EXPH5: variants seen among roughly 807,000 people sequenced by gnomAD.
The protein encoded by EXPH5 is exophilin 5.
EXPH5 carries 42 observed loss-of-function variants against 41.1 expected under a neutral mutation model. That is an observed-to-expected ratio of 1.02 (90% confidence interval 0.80 to 1.32). EXPH5 has a LOEUF of 1.32. Ranked by LOEUF, EXPH5 falls within the 40% of genes most tolerant of loss-of-function variation. The pLI, the probability that EXPH5 is intolerant of heterozygous loss-of-function variation, is 0.00. For synonymous variants in EXPH5, 798 were observed against 833.5 expected (o/e 0.96, Z 0.73); for missense variants, 2,298 against 2,314.5 (o/e 0.99, Z 0.15).
In EXPH5 at chr11:108,593,567, C is replaced by T. The variant is rs1459921072; in HGVS notation, c.-31G>A. ...TTACTGTGTGTGAGTTACACTTAAG[C>T]TCCTTGGCGCCTCCTGTTAGGAAGG... On this transcript the variant is annotated 5_prime_UTR_variant, in exon 1 of 6. Coordinates refer to ENST00000265843, the MANE Select transcript of EXPH5 (RefSeq NM_015065.3). The T allele has an allele frequency of 1.2e-6, 2 of 1,613,836 alleles. No homozygotes were observed. Among genetic ancestry groups the T allele is most frequent in the Non-Finnish European group, 1.7e-6 (2 of 1,179,898 alleles).
At chr11:108,515,858 G>A (rs1394369127) in intron 5 of EXPH5, among the ~76,000 whole-genome samples, 1 of 152,050 alleles carries the variant, frequency 6.6e-6, no homozygotes, top group Non-Finnish European at 1.5e-5. Flanking sequence ...GGATCACGAG[G>A]TCAGGAGATT....
chr11:108,553,075 G>A (rs991261982), intron 1 of EXPH5, among the ~76,000 whole-genome samples: 6 of 152,124 alleles, frequency 3.9e-5, no homozygotes, highest in African/African-American at 1.4e-4. Context: ...GCAGGTGCCT[G>A]TAATCCCAGC....
intron 3 of EXPH5, among the ~76,000 whole-genome samples, chr11:108,530,000 C>T (rs2135989692): frequency 6.6e-6 from 1 of 152,254 alleles, no homozygotes; most frequent in Admixed American, 6.5e-5. Flanking sequence ...GCACAGTTGT[C>T]CATTCAAACT....
chr11:108,532,917 C>G (rs1380979074), intron 3 of EXPH5, among the ~76,000 whole-genome samples: 2 of 152,198 alleles, frequency 1.3e-5, no homozygotes, highest in African/African-American at 4.8e-5. Flanking sequence ...CCCATCTTAG[C>G]ATTGTTCTTG....
At chr11:108,560,471 A>C (rs1037008620) in intron 1 of EXPH5, among the ~76,000 whole-genome samples, 6 of 152,218 alleles carry the variant, frequency 3.9e-5, no homozygotes, top group Non-Finnish European at 8.8e-5. Context: ...AAACCACTCC[A>C]CCTCATCAGA....
In EXPH5 at chr11:108,512,336, A is replaced by G. The variant is rs760837096; in HGVS notation, c.3171T>C (p.Asn1057=). ...TATAGTTCCCCATTGCATCTTCCAC[A>G]TTATTTTTGATTTGGAAGGGAGGTG... ...NGPPPFQIKN[N]VEDAMGNYML... The change falls in exon 6 of 6, where the codon AAT becomes AAC. Residue 1057 remains asparagine, a synonymous_variant. Coordinates refer to ENST00000265843, the MANE Select transcript of EXPH5 (RefSeq NM_015065.3). The G allele has an allele frequency of 1.2e-6, 2 of 1,612,572 alleles. No homozygotes were observed. Among genetic ancestry groups the G allele is most frequent in the Admixed American group, 1.7e-5 (1 of 59,684 alleles).
chr11:108,525,189 C>A (rs1190631717), intron 4 of EXPH5, among the ~76,000 whole-genome samples: 1 of 152,206 alleles, frequency 6.6e-6, no homozygotes, highest in Non-Finnish European at 1.5e-5. Flanking sequence ...GTCCATTAAG[C>A]CCCTTTTTCT....
intron 1 of EXPH5, among the ~76,000 whole-genome samples, chr11:108,581,974 A>G (rs926201358): frequency 6.6e-6 from 1 of 152,208 alleles, no homozygotes; most frequent in Non-Finnish European, 1.5e-5. Flanking sequence ...TTCTATATCT[A>G]TCAAAGAAAT....
At chr11:108,568,009 C>T (rs1188280540) in intron 1 of EXPH5, 1 of 152,188 alleles carries the variant, frequency 6.6e-6, no homozygotes, top group Non-Finnish European at 1.5e-5. Flanking sequence ...CCACAGTGCC[C>T]TATCCTGGTG....
chr11:108,553,824 T>C (rs1264805072), intron 1 of EXPH5, among the ~76,000 whole-genome samples: 1 of 152,230 alleles, frequency 6.6e-6, no homozygotes, highest in East Asian at 1.9e-4. Context: ...TGTACACAAA[T>C]TAAAATCATG....
intron 1 of EXPH5, among the ~76,000 whole-genome samples, chr11:108,562,452 T>C (rs1340493920): frequency 6.6e-6 from 1 of 151,166 alleles, no homozygotes; most frequent in Admixed American, 6.6e-5. Context: ...AAAAAAAGAA[T>C]ACAAAAATTA....
intron 1 of EXPH5, among the ~76,000 whole-genome samples, chr11:108,573,836 G>A (rs940234467): frequency 2.6e-5 from 4 of 152,240 alleles, no homozygotes; most frequent in South Asian, 2.1e-4. Flanking sequence ...CTTGAGGCCA[G>A]GGGTTTGAGA....
In EXPH5 at chr11:108,511,326, AG is replaced by A. The variant is rs2135909010; in HGVS notation, c.4180del (p.Leu1394CysfsTer5). The part of the protein sequence containing the change: ...ERGKKLQSET[L>X]HTSLMLQRKN... ...TCTCTGAAGCATCAATGAAGTATGCAGGGTTTCACTTTGCAACTTTTTGCCT... is the reference window on the plus strand; with the variant it reads ...TCTCTGAAGCATCAATGAAGTATGCAGGTTTCACTTTGCAACTTTTTGCCT... On this transcript the variant is annotated frameshift_variant, in exon 6 of 6. Transcript: ENST00000265843. LOFTEE classifies it low-confidence loss of function (END_TRUNC). 7 of 1,585,956 alleles carry A rather than the reference AG, an allele frequency of 4.4e-6. No individual in the cohort carries two copies. The highest frequency in any genetic ancestry group is 6.0e-6 in the Non-Finnish European group (7 of 1,169,834).
chr11:108,568,074 T>C (rs1397153735), intron 1 of EXPH5: 1 of 151,408 alleles, frequency 6.6e-6, no homozygotes, highest in African/African-American at 2.4e-5. Flanking sequence ...AAAACACCCT[T>C]CTGCTGACCC....
At chr11:108,586,824 A>C (rs779717308) in intron 1 of EXPH5, among the ~76,000 whole-genome samples, 4 of 151,840 alleles carry the variant, frequency 2.6e-5, no homozygotes, top group Non-Finnish European at 5.9e-5. Context: ...CCATGGAATG[A>C]GGAAGCTGGC....
chr11:108,574,955 A>G (rs1360177917), intron 1 of EXPH5, among the ~76,000 whole-genome samples: 2 of 152,102 alleles, frequency 1.3e-5, no homozygotes, highest in African/African-American at 4.8e-5. Context: ...TACTTAAACC[A>G]CTAAACCAGC....
intron 4 of EXPH5, among the ~76,000 whole-genome samples, chr11:108,527,617 C>G (rs2093808868): frequency 6.6e-6 from 1 of 152,128 alleles, no homozygotes; most frequent in African/African-American, 2.4e-5. Flanking sequence ...AGAAACAGAA[C>G]ACTTAAGCTT....
chr11:108,584,937 C>T (rs1034672863), intron 1 of EXPH5, among the ~76,000 whole-genome samples: 17 of 152,142 alleles, frequency 1.1e-4, no homozygotes, highest in Middle Eastern at 3.2e-3. Context: ...TTTTACTCCA[C>T]AAAGACACAG....
intron 1 of EXPH5, among the ~76,000 whole-genome samples, chr11:108,552,425 T>C (rs1231732074): frequency 6.6e-6 from 1 of 152,050 alleles, no homozygotes; most frequent in Non-Finnish European, 1.5e-5. Context: ...GAAGCTCAGA[T>C]AAGGAAAAGT....
Sources: gnomAD v4.1 joint callset for allele counts (sites outside exome capture counted in the v4.1 genomes callset) on GRCh38, gnomAD v4.1.1 for gene constraint, MANE v1.5 for transcripts, NCBI Gene and HGNC (gene_info 2026-07-23, HGNC 2026-07-21) for gene names.